ZFYVE16: variants seen among roughly 807,000 people sequenced by gnomAD.
ZFYVE16 encodes the protein zinc finger FYVE-type containing 16.
A neutral mutation model predicts 138.1 loss-of-function variants in ZFYVE16; 89 were observed. The ratio of observed to expected loss-of-function variants is 0.64; its 90% CI spans 0.54 to 0.77. The LOEUF (loss-of-function observed/expected upper bound fraction) is 0.77, where lower values mean the gene tolerates loss of function less well. Among genes scored for constraint, ZFYVE16 ranks in the 30% least tolerant of loss-of-function variants. ZFYVE16 has a pLI of 0.00. For synonymous variants in ZFYVE16, 596 were observed against 618.3 expected, an observed-to-expected ratio of 0.96 and a Z score of 0.53; for missense variants, 1,793 against 1,786.7, an observed-to-expected ratio of 1.00 and a Z score of -0.06.
At position 80,477,528 on chromosome 5, in the gene ZFYVE16, A is replaced by G. The variant is rs1047263354; in HGVS notation, c.*151A>G. On this transcript the variant is annotated 3_prime_UTR_variant, in exon 19 of 19. Transcript: ENST00000505560. ...TCTTTAGGCAGGAATGATCTTTTCAAATCATTAGCACAATATTTAAATATC... is the reference window on the plus strand; with the variant it reads ...TCTTTAGGCAGGAATGATCTTTTCAGATCATTAGCACAATATTTAAATATC... 12 of 587,880 alleles carry G rather than the reference A, an allele frequency of 2.0e-5. No individual in the cohort carries two copies. The Admixed American group carries it at 3.3e-4, about 16-fold the overall frequency. 36.4% of individuals were successfully genotyped at this position (587,880 alleles called of 1,614,324 possible).
rs1460086364 is a variant in ZFYVE16, at chr5:80,480,165, TC to T, written c.*2789del. Among the ~76,000 whole-genome samples, 1 of 151,592 alleles carries T rather than the reference TC, an allele frequency of 6.6e-6. No individual in the cohort carries two copies. Among genetic ancestry groups the T allele is most frequent in the Non-Finnish European group, 1.5e-5 (1 of 68,018 alleles). On this transcript the variant is annotated 3_prime_UTR_variant, in exon 19 of 19. Transcript: ENST00000505560. ...ATTACTTGAAGCAATGAAAACAAAC[TC>T]ACAGATATAGGTATTAGATTTGTTT...
intron 15 of ZFYVE16, among the ~76,000 whole-genome samples, chr5:80,463,359 C>T (rs535027038): frequency 6.6e-6 from 1 of 152,296 alleles, no homozygotes; most frequent in Non-Finnish European, 1.5e-5. Flanking sequence ...TTGGGGCATG[C>T]ACCCTTTGAA....
At position 80,434,114 on chromosome 5, in the gene ZFYVE16, C is replaced by A. The variant is rs1023961805; in HGVS notation, c.-34C>A. On this transcript the variant is annotated 5_prime_UTR_variant, in exon 3 of 19. Coordinates refer to ENST00000505560, the MANE Select transcript of ZFYVE16 (RefSeq NM_001284236.3). Reference sequence around the variant, plus strand: ...TTATACTTTCTATTTTTTAGGCATACAAGAATTAAATTCTGAATAAGTCTG... The same window carrying A: ...TTATACTTTCTATTTTTTAGGCATAAAAGAATTAAATTCTGAATAAGTCTG... 6.3e-6 allele frequency: 10 copies of A among 1,591,954 alleles called. No homozygotes were observed. The highest frequency in any genetic ancestry group is 1.7e-5 in the Admixed American group (1 of 58,902).
chr5:80,458,962 G>A (rs750004311), intron 14 of ZFYVE16, among the ~76,000 whole-genome samples: 8 of 151,964 alleles, frequency 5.3e-5, no homozygotes, highest in African/African-American at 7.2e-5. Context: ...ACAGAATCTC[G>A]CTCTGTCGCC....
chr5:80,456,476 C>T lies in ZFYVE16; in HGVS notation c.3706C>T (p.Gln1236Ter). ...MNLLVDLRNYQYTLHNIDQLL... is the reference protein window; with the variant it reads ...MNLLVDLRNY ...TTCTATGTAGGACCTTCGAAATTACCAGTATACCTTGCATAATATAGATCA... is the reference window on the plus strand; with the variant it reads ...TTCTATGTAGGACCTTCGAAATTACTAGTATACCTTGCATAATATAGATCA... Residue 1236 changes from glutamine (Q) to a stop codon, truncating the protein, a stop_gained, in exon 13 of 19, where the codon CAG (glutamine) becomes TAG (stop). Coordinates refer to ENST00000505560, the MANE Select transcript of ZFYVE16 (RefSeq NM_001284236.3). LOFTEE classifies it high-confidence loss of function. The T allele has an allele frequency of 6.2e-7, 1 of 1,611,480 alleles. No individual in the cohort carries two copies. The highest frequency in any genetic ancestry group is 8.5e-7 in the Non-Finnish European group (1 of 1,178,718).
At position 80,451,494 on chromosome 5, in the gene ZFYVE16, T is replaced by C. The variant is rs367832798; in HGVS notation, c.3392T>C (p.Ile1131Thr). Residue 1131 changes from isoleucine (I) to threonine (T), a missense_variant, in exon 11 of 19, where the codon ATA becomes ACA. Ile to Thr is a moderately conservative substitution (Grantham distance 89). Transcript: ENST00000505560. ...ATGATTTTATTTGCAGGAAAATACA[T>C]AGAAAACTTGGACAATATTACCTTT... ...IYKDALKGKY[I>T]ENLDNITFTE... The C allele has an allele frequency of 5.6e-5, 89 of 1,599,756 alleles. No individual in the cohort carries two copies. The highest frequency in any genetic ancestry group is 7.4e-5 in the Non-Finnish European group (87 of 1,173,760).
chr5:80,448,275 A>C lies in ZFYVE16; in HGVS notation c.2974A>C (p.Ile992Leu). The C allele has an allele frequency of 6.2e-7, 1 of 1,613,678 alleles. No individual in the cohort carries two copies. Residue 992 changes from isoleucine (I) to leucine (L), a missense_variant, in exon 8 of 19, where the codon ATT (isoleucine) becomes CTT (leucine). By Grantham distance (5) the Ile-to-Leu change is conservative. Around this residue, in one of 2 missense-constraint regions of ZFYVE16, gnomAD observed 1,295 missense variants for 1,204.3 expected, o/e 1.08. Transcript: ENST00000505560. The stretch of plus-strand genomic sequence containing the variant: ...TGTCTTAGTTAACAGCAATTTACCT[A>C]TTGCTAGTATTTCAGATTATAGGTT... ...TGVLVNSNLPIASISDYRLLC... is the reference protein window; with the variant it reads ...TGVLVNSNLPLASISDYRLLC...
chr5:80,443,237 C>T lies in ZFYVE16; in HGVS notation c.2534C>T (p.Ser845Leu), dbSNP rs575695042. ...GAGAACCAAACATCCAGTATACCTTCACCAGCAACTTTGCCAGTCTCAGCA... is the reference window on the plus strand; with the variant it reads ...GAGAACCAAACATCCAGTATACCTTTACCAGCAACTTTGCCAGTCTCAGCA... ...PQENQTSSIPSPATLPVSALK... is the reference protein window; with the variant it reads ...PQENQTSSIPLPATLPVSALK... Residue 845 changes from serine to leucine, a missense_variant, in exon 6 of 19, where the codon TCA becomes TTA. Around this residue, in one of 2 missense-constraint regions of ZFYVE16, gnomAD observed 1,295 missense variants for 1,204.3 expected, o/e 1.08. Transcript: ENST00000505560. 1.7e-5 allele frequency: 27 copies of T among 1,611,900 alleles called. 1 individual carries two copies. In the South Asian group the frequency reaches 2.9e-4, roughly 17 times the overall value.
chr5:80,468,244 A>G (rs1387164063), intron 15 of ZFYVE16, among the ~76,000 whole-genome samples: 1 of 152,238 alleles, frequency 6.6e-6, no homozygotes, highest in Non-Finnish European at 1.5e-5. Flanking sequence ...GTTCCTATTC[A>G]TATAGTACAC....
At chr5:80,470,092 TGTGTGTG>T (rs1754179952) in intron 15 of ZFYVE16, among the ~76,000 whole-genome samples, 4 of 61,572 alleles carry the variant, frequency 6.5e-5, no homozygotes, top group South Asian at 5.7e-4. Context: ...TGTGTGTGTG[TGTGTGTG>T]TATTTTTTTT....
At chr5:80,442,888 C>A (rs568976228) in intron 5 of ZFYVE16, among the ~76,000 whole-genome samples, 9 of 152,178 alleles carry the variant, frequency 5.9e-5, no homozygotes, top group African/African-American at 2.2e-4. Flanking sequence ...CAAACATACA[C>A]CAGATATAAT....
At position 80,438,512 on chromosome 5, in the gene ZFYVE16, T is replaced by G. The variant is rs1183876912; in HGVS notation, c.1827T>G (p.Leu609=). ...VDKQNTIENG[L]SLGEKSTIPV... is the part of the protein sequence containing the mutation. ...AACAAAATACAATAGAAAATGGCCT[T>G]TCTTTAGGAGAAAAAAGCACTATTC... The change falls in exon 4 of 19, where the codon CTT becomes CTG. Residue 609 remains leucine (L), a synonymous_variant. Coordinates refer to ENST00000505560, the MANE Select transcript of ZFYVE16 (RefSeq NM_001284236.3). 5 of 1,613,758 alleles carry G rather than the reference T, an allele frequency of 3.1e-6. No individual in the cohort carries two copies. Among genetic ancestry groups the G allele is most frequent in the Non-Finnish European group, 4.2e-6 (5 of 1,179,852 alleles).
intron 14 of ZFYVE16, among the ~76,000 whole-genome samples, chr5:80,457,450 T>A (rs1752634411): frequency 6.6e-6 from 1 of 152,182 alleles, no homozygotes; most frequent in Non-Finnish European, 1.5e-5. Flanking sequence ...CACAGGGTGA[T>A]AAGGATAAGA....
Position 80,439,960 on chromosome 5 carries a change from A to C in ZFYVE16, c.2347A>C (p.Arg783=). 5 of 1,610,536 alleles carry C rather than the reference A, an allele frequency of 3.1e-6. No individual in the cohort carries two copies. The highest frequency in any genetic ancestry group is 4.2e-6 in the Non-Finnish European group (5 of 1,178,296). The part of the protein sequence containing the change: ...GKVFCGVCCN[R]KCKLQYLEKE... ...GGTATTTTGTGGTGTCTGTTGTAATAGGAAGTGTAAACTGCAATATCTAGA... is the reference window on the plus strand; with the variant it reads ...GGTATTTTGTGGTGTCTGTTGTAATCGGAAGTGTAAACTGCAATATCTAGA... Residue 783 remains arginine, a synonymous_variant, in exon 5 of 19, where the codon AGG becomes CGG. Transcript: ENST00000505560.
intron 1 of ZFYVE16, among the ~76,000 whole-genome samples, chr5:80,419,151 C>G (rs1746706313): frequency 6.6e-6 from 1 of 150,842 alleles, no homozygotes; most frequent in African/African-American, 2.4e-5. Flanking sequence ...AATCATGGCT[C>G]TCTGCAGCCT....
At chr5:80,427,348 T>G (rs928143425) in intron 1 of ZFYVE16, 144 bp from the exon 2 acceptor site, 1 of 152,160 alleles carries the variant, frequency 6.6e-6, no homozygotes, top group African/African-American at 2.4e-5. Context: ...TGATTTGATC[T>G]TTTGTTTTTT....
rs776911397 is a variant in ZFYVE16, at chr5:80,445,364, T to C, written c.2683T>C (p.Cys895Arg). 12 of 1,614,000 alleles carry C rather than the reference T, an allele frequency of 7.4e-6. 1 individual carries two copies. In the Admixed American group the frequency reaches 1.8e-4, roughly 25 times the overall value. Residue 895 changes from cysteine (C) to arginine (R), a missense_variant, in exon 7 of 19, where the codon TGT becomes CGT. Cys to Arg is a radical substitution (Grantham distance 180). This residue lies in a region of ZFYVE16 where 1,295 missense variants were observed against 1,204.3 expected (regional missense o/e 1.08). Coordinates refer to ENST00000505560, the MANE Select transcript of ZFYVE16 (RefSeq NM_001284236.3). The stretch of plus-strand genomic sequence containing the variant: ...AAAATTATCATCTGGAAGTAAAAGA[T>C]GTTCTGAAGACTTTAGTCCTCTCTC... ...TTKLSSGSKRCSEDFSPLSPD... is the reference protein window; with the variant it reads ...TTKLSSGSKRRSEDFSPLSPD...
intron 11 of ZFYVE16, among the ~76,000 whole-genome samples, chr5:80,453,104 G>C (rs1752157500): frequency 6.6e-6 from 1 of 152,146 alleles, no homozygotes; most frequent in South Asian, 2.1e-4. Context: ...TAAAAGTGGT[G>C]ATTACTATTT....
intron 16 of ZFYVE16, 104 bp from the exon 17 acceptor site, chr5:80,473,650 C>A: frequency 1.4e-6 from 1 of 706,760 alleles, no homozygotes; most frequent in Non-Finnish European, 2.2e-6. Flanking sequence ...ATTGACATAT[C>A]TTCTTTTATA....
Sources: gnomAD v4.1 joint callset for allele counts (sites outside exome capture counted in the v4.1 genomes callset) on GRCh38, gnomAD v4.1.1 for gene constraint, gnomAD v4.1.1 regional missense constraint, MANE v1.5 for transcripts, NCBI Gene and HGNC (gene_info 2026-07-23, HGNC 2026-07-21) for gene names.